Variants in PTPN3 observed in about 807,000 individuals in gnomAD.
PTPN3 encodes tyrosine-protein phosphatase non-receptor type 3.
In PTPN3, 96 loss-of-function variants were observed where a neutral mutation model predicts 132.7. The observed-to-expected ratio is 0.72, with a 90% CI of 0.61 to 0.86. PTPN3 has a LOEUF of 0.86. Ranked by LOEUF, PTPN3 falls within the 40% of genes least tolerant of loss-of-function variation. The pLI is 0.00. For missense variants in PTPN3, 1,125 were observed against 1,159.6 expected (o/e 0.97, Z 0.43); for synonymous variants, 398 against 429.0 (o/e 0.93, Z 0.89).
At chr9:109,387,003 G>A (rs890278840) in intron 22 of PTPN3, among the ~76,000 whole-genome samples, 3 of 152,170 alleles carry the variant, frequency 2.0e-5, no homozygotes, top group Non-Finnish European at 4.4e-5. Context: ...CGTGGTGAGT[G>A]GATGTGGGAA....
intron 6 of PTPN3, among the ~76,000 whole-genome samples, chr9:109,447,046 C>T (rs1468100702): frequency 2.0e-5 from 3 of 152,162 alleles, no homozygotes; most frequent in East Asian, 3.9e-4. Context: ...ATCTGAGAAG[C>T]GTTTGGTAGC....
At chr9:109,436,755 C>A in intron 9 of PTPN3, 128 bp downstream of exon 9, 18 of 1,338,042 alleles carry the variant, frequency 1.3e-5, no homozygotes, top group South Asian at 8.0e-5. Context: ...CTTAATAAAC[C>A]TTCCAAATAT....
At chr9:109,464,986 C>G (rs1295424466) in intron 1 of PTPN3, among the ~76,000 whole-genome samples, 3 of 152,164 alleles carry the variant, frequency 2.0e-5, no homozygotes. Flanking sequence ...GATGTGGGTG[C>G]TAATGACACT....
At chr9:109,431,939 C>T (rs1435049214) in intron 10 of PTPN3, among the ~76,000 whole-genome samples, 1 of 151,654 alleles carries the variant, frequency 6.6e-6, no homozygotes, top group African/African-American at 2.4e-5. Context: ...AAAGAAAATA[C>T]ACAGTAATAG....
chr9:109,391,104 G>A (rs1840044073), intron 21 of PTPN3, 34 bp downstream of exon 21: 1 of 1,584,756 alleles, frequency 6.3e-7, no homozygotes, highest in Non-Finnish European at 8.7e-7. Context: ...AGTGGTGAAT[G>A]TGCTCTTAAG....
At chr9:109,392,680 T>A (rs1840230288) in intron 19 of PTPN3, 1 of 152,308 alleles carries the variant, frequency 6.6e-6, no homozygotes, top group South Asian at 2.1e-4. Flanking sequence ...CTCGGCTCAC[T>A]GTAACGTCCA....
intron 16 of PTPN3, among the ~76,000 whole-genome samples, chr9:109,408,728 C>T (rs1212361382): frequency 6.7e-6 from 1 of 148,298 alleles, no homozygotes; most frequent in African/African-American, 2.5e-5. Context: ...TCTTCGAGTG[C>T]TGCTAGAACA....
intron 13 of PTPN3, among the ~76,000 whole-genome samples, chr9:109,422,049 G>A (rs1842920739): frequency 6.6e-6 from 1 of 152,208 alleles, no homozygotes; most frequent in Non-Finnish European, 1.5e-5. Flanking sequence ...CTACGTACTT[G>A]TACATTATTA....
Position 109,406,481 on chromosome 9 carries a change from G to A in PTPN3, c.1773C>T (p.Ala591=), listed in dbSNP as rs1245384865. The A allele has an allele frequency of 1.9e-6, 3 of 1,614,012 alleles. No individual in the cohort carries two copies. In the South Asian group the frequency reaches 3.3e-5, roughly 18 times the overall value. The change falls in exon 18 of 26, where the codon GCC becomes GCT. Residue 591 remains alanine (A), a synonymous_variant. Coordinates refer to ENST00000374541, the MANE Select transcript of PTPN3 (RefSeq NM_002829.4). ...ASRESHSREL[A]LVIRRRAVRS... ...CATTACCTCTCCTCCTGATCACCAG[G>A]GCCAGCTCCCGTGAGTGGGACTCCC...
intron 1 of PTPN3, among the ~76,000 whole-genome samples, chr9:109,487,520 C>T (rs1384180534): frequency 6.6e-6 from 1 of 152,224 alleles, no homozygotes; most frequent in African/African-American, 2.4e-5. Context: ...ATCACACGCT[C>T]TGGGGGTGGG....
At chr9:109,466,119 C>A (rs1190876851) in intron 1 of PTPN3, among the ~76,000 whole-genome samples, 3 of 152,122 alleles carry the variant, frequency 2.0e-5, no homozygotes, top group South Asian at 4.1e-4. Flanking sequence ...CCACTAGATG[C>A]GAAGCCCCAC....
At chr9:109,442,321 T>A (rs1844539818) in intron 7 of PTPN3, among the ~76,000 whole-genome samples, 1 of 152,216 alleles carries the variant, frequency 6.6e-6, no homozygotes, top group Non-Finnish European at 1.5e-5. Flanking sequence ...GCGCTGAGAA[T>A]ACAGGCGTGA....
chr9:109,415,036 GTCCGTCCGTCCGTCCA>G (rs56265972), intron 14 of PTPN3, among the ~76,000 whole-genome samples: 3 of 145,694 alleles, frequency 2.1e-5, no homozygotes, highest in South Asian at 2.3e-4. Flanking sequence ...CCGTCTGTCC[GTCCGTCCGTCCGTCCA>G]TCCGTCCATC....
Position 109,441,901 on chromosome 9 carries a change from C to T in PTPN3, c.466+3339G>A, listed in dbSNP as rs114420100. Among the ~76,000 whole-genome samples, 732 of 152,144 alleles carry T rather than the reference C, an allele frequency of 4.8e-3. 6 individuals carry two copies. The highest frequency in any genetic ancestry group is 0.017 in the African/African-American group (701 of 41,488). Reference sequence around the variant, plus strand: ...GGATTACAGGTGCAAACCACTATGCCGGACTTTATTTTTTATGTAATAAGA... The same window carrying T: ...GGATTACAGGTGCAAACCACTATGCTGGACTTTATTTTTTATGTAATAAGA... On this transcript the variant is annotated intron_variant, in intron 7 of 25. Coordinates refer to ENST00000374541, the MANE Select transcript of PTPN3 (RefSeq NM_002829.4).
At chr9:109,479,412 C>CCAA in intron 1 of PTPN3, among the ~76,000 whole-genome samples, 1 of 152,184 alleles carries the variant, frequency 6.6e-6, no homozygotes, top group Non-Finnish European at 1.5e-5. Flanking sequence ...ATTCATCTGT[C>CCAA]ATTGGACATT....
chr9:109,393,746 T>C (rs546846695), intron 19 of PTPN3, among the ~76,000 whole-genome samples: 3 of 152,274 alleles, frequency 2.0e-5, no homozygotes, highest in Admixed American at 1.3e-4. Context: ...TTAATAAAGA[T>C]GTGTTTGCAG....
intron 1 of PTPN3, among the ~76,000 whole-genome samples, chr9:109,465,062 A>G (rs1846029729): frequency 6.6e-6 from 1 of 152,214 alleles, no homozygotes; most frequent in Admixed American, 6.5e-5. Flanking sequence ...TTCCATATGT[A>G]TGTTTTAATA....
chr9:109,511,404 T>C, the PTPN3 span: 1 of 153,012 alleles, frequency 6.5e-6, no homozygotes, highest in African/African-American at 2.4e-5. Flanking sequence ...GACTCTCTGG[T>C]GTCTACACTC....
chr9:109,467,787 G>T (rs900313009), intron 1 of PTPN3, among the ~76,000 whole-genome samples: 3 of 152,164 alleles, frequency 2.0e-5, no homozygotes, highest in Admixed American at 1.3e-4. Flanking sequence ...TTTCACCGTG[G>T]TTAGCAATGA....
Sources: allele counts gnomAD v4.1 joint callset (sites outside exome capture counted in the v4.1 genomes callset), GRCh38; gene constraint gnomAD v4.1.1; transcripts MANE v1.5; gene names NCBI Gene and HGNC (gene_info 2026-07-23, HGNC 2026-07-21).